The following EPN1 variants were observed in gnomAD, a reference collection of about 807,000 sequenced individuals.
EPN1 encodes epsin-1.
Under a neutral mutation model 56.9 loss-of-function variants are expected in EPN1, and 25 were observed. The observed-to-expected ratio is 0.44, with a 90% confidence interval of 0.32 to 0.61. The LOEUF (loss-of-function observed/expected upper bound fraction) is 0.61. Ranked by LOEUF, EPN1 falls within the 20% of genes least tolerant of loss-of-function variation. The pLI is 0.05. For synonymous variants in EPN1, 411 were observed against 361.8 expected (o/e 1.14, Z -1.54); for missense variants, 785 against 823.7 (o/e 0.95, Z 0.58).
rs1470795515 is a variant in EPN1, at chr19:55,700,409, G to A, written c.*5053G>A. 5 of 150,270 alleles carry A rather than the reference G, an allele frequency of 3.3e-5. No individual in the cohort carries two copies. Among genetic ancestry groups the A allele is most frequent in the African/African-American group, 1.0e-4 (4 of 39,626 alleles). 9.3% of individuals were successfully genotyped at this position (150,270 alleles called of 1,614,324 possible). On this transcript the variant is annotated 3_prime_UTR_variant, in exon 11 of 11. Coordinates refer to ENST00000270460, the MANE Select transcript of EPN1 (RefSeq NM_001130072.2). ...ATTCTCCTGACTTGGGACTACAGGT[G>A]CGTGCGACCACAGCCAACTCATTTT...
chr19:55,678,514 C>T lies in EPN1; in HGVS notation c.-101-13C>T. 6.5e-7 allele frequency: 1 copy of T among 1,535,018 alleles called. No individual in the cohort carries two copies. Among genetic ancestry groups the T allele is most frequent in the South Asian group, 1.2e-5 (1 of 83,158 alleles). On this transcript the variant is annotated splice_polypyrimidine_tract_variant and intron_variant, in intron 1 of 10. Transcript: ENST00000270460. Reference sequence around the variant, plus strand: ...TCCCATTTGTGTTTCCAGAGGTCCTCTTCCCCTCGCAGATGCGGTGACCTG... The same window carrying T: ...TCCCATTTGTGTTTCCAGAGGTCCTTTTCCCCTCGCAGATGCGGTGACCTG...
intron 2 of EPN1, among the ~76,000 whole-genome samples, chr19:55,682,288 G>A (rs530735888): frequency 4.6e-5 from 7 of 152,202 alleles, no homozygotes; most frequent in Non-Finnish European, 7.3e-5. Flanking sequence ...CCACAGCACC[G>A]TGTCTGATTT....
chr19:55,676,980 G>A (rs1440213191), intron 1 of EPN1: 2 of 682,398 alleles, frequency 2.9e-6, no homozygotes, highest in Admixed American at 3.0e-5. Context: ...TCATCTTAAT[G>A]TATTAGGCTG....
rs1422440668 is a variant in EPN1, at chr19:55,689,387, C to G, written c.678+16C>G. The G allele has an allele frequency of 1.9e-6, 3 of 1,548,254 alleles. No homozygotes were observed. In the African/African-American group the frequency reaches 4.1e-5, roughly 21 times the overall value. Reference sequence around the variant, plus strand: ...GCATGATAAGGTCAGAGCAGCCTCCCTGTCCCTGCCCCTGCCAGGGGCTCC... The same window carrying G: ...GCATGATAAGGTCAGAGCAGCCTCCGTGTCCCTGCCCCTGCCAGGGGCTCC... On this transcript the variant is annotated intron_variant, in intron 5 of 10. Coordinates refer to ENST00000270460, the MANE Select transcript of EPN1 (RefSeq NM_001130072.2). The surrounding 1 kb of genome is among the most constrained non-coding windows in gnomAD (Gnocchi z 5.7).
Position 55,705,293 on chromosome 19 carries a change from AAC to A in EPN1, c.*9943_*9944del, listed in dbSNP as rs938152178. ...TCCAGGCAACTTTTTTGCCTACGGA[AAC>A]ACACAAAAACGAAAACAAACCAATG... On this transcript the variant is annotated 3_prime_UTR_variant, in exon 11 of 11. Transcript: ENST00000270460. 6 of 152,330 alleles carry A rather than the reference AAC, an allele frequency of 3.9e-5. No individual in the cohort carries two copies. The highest frequency in any genetic ancestry group is 2.1e-4 in the South Asian group (1 of 4,826). 9.4% of individuals were successfully genotyped at this position (152,330 alleles called of 1,614,324 possible).
chr19:55,681,541 G>A (rs190489866), intron 2 of EPN1, among the ~76,000 whole-genome samples: 71 of 152,334 alleles, frequency 4.7e-4, no homozygotes, highest in African/African-American at 1.5e-3. Context: ...AAGTTTTATT[G>A]GAACACAGCC....
chr19:55,686,965 C>T (rs904153394), intron 3 of EPN1, among the ~76,000 whole-genome samples: 1 of 151,992 alleles, frequency 6.6e-6, no homozygotes, highest in Non-Finnish European at 1.5e-5. Flanking sequence ...ATGTCCTCTG[C>T]GTTGCTGGCC....
Position 55,678,847 on chromosome 19 carries a change from G to A in EPN1, c.220G>A (p.Val74Ile), listed in dbSNP as rs747555260. Residue 74 changes from valine to isoleucine, a missense_variant, in exon 2 of 11, where the codon GTT becomes ATT. Coordinates refer to ENST00000270460, the MANE Select transcript of EPN1 (RefSeq NM_001130072.2). ...LNDHGKNWRH[V>I]YKAMTLMEYL... ...TGACCATGGCAAGAACTGGCGTCACGTTTACAAGGTCAGCATCCTGCTCTC... is the reference window on the plus strand; with the variant it reads ...TGACCATGGCAAGAACTGGCGTCACATTTACAAGGTCAGCATCCTGCTCTC... 1 of 1,607,818 alleles carries A rather than the reference G, an allele frequency of 6.2e-7. No individual in the cohort carries two copies. The highest frequency in any genetic ancestry group is 8.5e-7 in the Non-Finnish European group (1 of 1,175,532).
chr19:55,708,682 C>T lies in EPN1; in HGVS notation c.*13326C>T, dbSNP rs1987549424. The T allele has an allele frequency of 1.1e-5, 4 of 366,584 alleles. No individual in the cohort carries two copies. The highest frequency in any genetic ancestry group is 2.0e-5 in the Non-Finnish European group (4 of 204,752). The allele number at this position is 366,584 out of a possible 1,614,324, so 22.7% of individuals were successfully genotyped here. On this transcript the variant is annotated 3_prime_UTR_variant, in exon 11 of 11. Transcript: ENST00000270460. Reference sequence around the variant, plus strand: ...AACGTACTTGTGCTTCTAAATATCACAAGGCAGGATGGGATTTCTAAAGAC... The same window carrying T: ...AACGTACTTGTGCTTCTAAATATCATAAGGCAGGATGGGATTTCTAAAGAC...
chr19:55,688,877 A>G lies in EPN1; in HGVS notation c.486A>G (p.Ser162=). Reference sequence around the variant, plus strand: ...TTCTCACCCGCCCTCCAGCCTCATCAGCAGCTGTGGGCTCAGGCCCCCCTC... The same window carrying G: ...TTCTCACCCGCCCTCCAGCCTCATCGGCAGCTGTGGGCTCAGGCCCCCCTC... ...EKLAQTATAS[S]AAVGSGPPPE... The change falls in exon 4 of 11, where the codon TCA becomes TCG. Residue 162 remains serine, a synonymous_variant. Transcript: ENST00000270460. 1 of 1,577,950 alleles carries G rather than the reference A, an allele frequency of 6.3e-7. No homozygotes were observed. Among genetic ancestry groups the G allele is most frequent in the Non-Finnish European group, 8.6e-7 (1 of 1,162,108 alleles).
In EPN1 at chr19:55,689,204, C is replaced by G; in HGVS notation, c.604-93C>G. The G allele has an allele frequency of 8.6e-7, 1 of 1,166,208 alleles. No homozygotes were observed. The highest frequency in any genetic ancestry group is 2.6e-5 in the East Asian group (1 of 38,944). 72.2% of individuals were successfully genotyped at this position (1,166,208 alleles called of 1,614,324 possible). A position where few individuals can be genotyped will look rare whatever the true frequency, so the allele number is the denominator to read the frequency against. On this transcript the variant is annotated intron_variant, in intron 4 of 10. Transcript: ENST00000270460. This position sits in a 1 kb window ranked among gnomAD's most constrained non-coding sequence, Gnocchi z 5.7. ...CCTCACTGGTTCAGGGACCCCCAGC[C>G]CTCTCTTTCTTCGGCTCTATCTGAC...
rs543435802 is a variant in EPN1, at chr19:55,691,247, C to T, written c.763-507C>T. Among the ~76,000 whole-genome samples the T allele has an allele frequency of 5.4e-4, 82 of 151,860 alleles. 2 individuals carry two copies. The South Asian group carries it at 0.016, about 29-fold the overall frequency. The stretch of plus-strand genomic sequence containing the variant: ...TGACTGCGGGGTGACGGCGGGGCAA[C>T]GTAGGGGGCATCGTGAGGGGTGCTC... On this transcript the variant is annotated intron_variant, in intron 6 of 10. Transcript: ENST00000270460. This position sits in a 1 kb window ranked among gnomAD's most constrained non-coding sequence, Gnocchi z 5.6.
chr19:55,687,909 G>A (rs1378330790), intron 3 of EPN1, among the ~76,000 whole-genome samples: 5 of 152,206 alleles, frequency 3.3e-5, no homozygotes, highest in Non-Finnish European at 4.4e-5. Context: ...TGCCTGCTGC[G>A]GCTCCGGGCA....
In EPN1 at chr19:55,691,529, G is replaced by A. The variant is rs1373039303; in HGVS notation, c.763-225G>A. On this transcript the variant is annotated intron_variant, in intron 6 of 10. Coordinates refer to ENST00000270460, the MANE Select transcript of EPN1 (RefSeq NM_001130072.2). This position sits in a 1 kb window ranked among gnomAD's most constrained non-coding sequence, Gnocchi z 5.6. Reference sequence around the variant, plus strand: ...GGGGCTGTGTTGGGGCTCCCTGGTGGTACCCTCGGGTGGGGTAGGTGGGCA... The same window carrying A: ...GGGGCTGTGTTGGGGCTCCCTGGTGATACCCTCGGGTGGGGTAGGTGGGCA... Among the ~76,000 whole-genome samples the A allele has an allele frequency of 6.6e-6, 1 of 151,538 alleles. No individual in the cohort carries two copies. Among genetic ancestry groups the A allele is most frequent in the Non-Finnish European group, 1.5e-5 (1 of 67,870 alleles).
intron 3 of EPN1, 127 bp downstream of exon 3, chr19:55,685,772 C>A: frequency 8.0e-7 from 1 of 1,246,354 alleles, no homozygotes; most frequent in Non-Finnish European, 1.1e-6. Context: ...CTTTGCTTCT[C>A]CTCACCTGGG....
rs1470560021 is a variant in EPN1 at position 55,697,689 on chromosome 19, A to T, written c.*2333A>T. The T allele has an allele frequency of 1.3e-5, 2 of 152,114 alleles. No individual in the cohort carries two copies. The highest frequency in any genetic ancestry group is 4.8e-5 in the African/African-American group (2 of 41,406). The allele number at this position is 152,114 out of a possible 1,614,324, so 9.4% of individuals were successfully genotyped here. A position where few individuals can be genotyped will look rare whatever the true frequency, so the allele number is the denominator to read the frequency against. ...TAGCACCACAGATCTCGTGTCTCCT[A>T]CTTTATTCCTCTTTCTAGAATATTC... On this transcript the variant is annotated 3_prime_UTR_variant, in exon 11 of 11. Transcript: ENST00000270460.
chr19:55,699,215 G>A lies in EPN1; in HGVS notation c.*3859G>A, dbSNP rs956228659. On this transcript the variant is annotated 3_prime_UTR_variant, in exon 11 of 11. Coordinates refer to ENST00000270460, the MANE Select transcript of EPN1 (RefSeq NM_001130072.2). Reference sequence around the variant, plus strand: ...AATGCCTTCCCTCCCGCCTCCCCCAGGCCCTTAGTTTGTGCTGCTCTGCGT... The same window carrying A: ...AATGCCTTCCCTCCCGCCTCCCCCAAGCCCTTAGTTTGTGCTGCTCTGCGT... 6.6e-5 allele frequency: 10 copies of A among 152,126 alleles called. No individual in the cohort carries two copies. Among genetic ancestry groups the A allele is most frequent in the African/African-American group, 2.4e-4 (10 of 41,396 alleles). 9.4% of individuals were successfully genotyped at this position (152,126 alleles called of 1,614,324 possible).
At chr19:55,693,323 T>C (rs1279098903) in intron 9 of EPN1, 1 of 405,948 alleles carries the variant, frequency 2.5e-6, no homozygotes, top group African/African-American at 2.0e-5. Context: ...GTTGCTTGAG[T>C]GCCTTGCAAA....
In EPN1 at chr19:55,708,836, G is replaced by C. The variant is rs1232565017; in HGVS notation, c.*13480G>C. Reference sequence around the variant, plus strand: ...CTGCTGCCATGATGTGCAATTACAGGATAGAGGTGCCAGGTGAAGGTCCCA... The same window carrying C: ...CTGCTGCCATGATGTGCAATTACAGCATAGAGGTGCCAGGTGAAGGTCCCA... On this transcript the variant is annotated 3_prime_UTR_variant, in exon 11 of 11. Transcript: ENST00000270460. The C allele has an allele frequency of 3.9e-6, 4 of 1,022,108 alleles. No individual in the cohort carries two copies. The highest frequency in any genetic ancestry group is 3.7e-5 in the South Asian group (2 of 53,828). The allele number at this position is 1,022,108 out of a possible 1,614,324, so 63.3% of individuals were successfully genotyped here.
Sources: gnomAD v4.1 joint callset for allele counts (sites outside exome capture counted in the v4.1 genomes callset) on GRCh38, gnomAD v4.1.1 for gene constraint, Gnocchi (gnomAD v3.1) non-coding constraint, MANE v1.5 for transcripts, NCBI Gene and HGNC (gene_info 2026-07-23, HGNC 2026-07-21) for gene names.